The following LUZP1 variants were observed in gnomAD, a reference collection of about 807,000 sequenced individuals.
LUZP1 encodes filamin mechanobinding actin cross-linking protein.
Under a neutral mutation model 71.3 loss-of-function variants are expected in LUZP1, and 25 were observed. That is an observed-to-expected ratio of 0.35 (90% CI 0.26 to 0.49). The LOEUF (loss-of-function observed/expected upper bound fraction) is 0.49, where lower values mean the gene tolerates loss of function less well. Among genes scored for constraint, LUZP1 ranks in the 20% least tolerant of loss-of-function variants. The pLI, the probability that LUZP1 is intolerant of heterozygous loss-of-function variation, is 0.99. For synonymous variants in LUZP1, 481 were observed against 506.4 expected (o/e 0.95, Z 0.67); for missense variants, 1,142 against 1,300.8 (o/e 0.88, Z 1.88).
At chr1:23,084,418 A>ATCTT (rs1365938333) in exon 5 of LUZP1, 2 of 151,564 alleles carry the variant, frequency 1.3e-5, no homozygotes, top group African/African-American at 4.9e-5. Context: ...CTGTAGTCAA[A>ATCTT]TCTTTTGTCT....
At chr1:23,161,292 A>G (rs1320798629) in intron 2 of LUZP1, among the ~76,000 whole-genome samples, 1 of 152,226 alleles carries the variant, frequency 6.6e-6, no homozygotes, top group East Asian at 1.9e-4. Context: ...AACAGAAGCC[A>G]GTAATAGGGA....
At chr1:23,092,313 T>C in exon 4 of LUZP1, 6 of 1,614,212 alleles carry the variant, frequency 3.7e-6, no homozygotes, top group Non-Finnish European at 5.1e-6. Context: ...GCCACTGGAT[T>C]TGATGACTCG....
At chr1:23,112,829 A>G (rs540487430) in intron 2 of LUZP1, among the ~76,000 whole-genome samples, 7 of 152,328 alleles carry the variant, frequency 4.6e-5, no homozygotes, top group African/African-American at 1.7e-4. Context: ...AAAAAGAGCT[A>G]GAAAAGGAGA....
At chr1:23,166,024 A>G (rs1357038291) in intron 2 of LUZP1, among the ~76,000 whole-genome samples, 1 of 149,078 alleles carries the variant, frequency 6.7e-6, no homozygotes, top group Non-Finnish European at 1.5e-5. Flanking sequence ...ACACTACTAC[A>G]GCCTTATATG....
At chr1:23,123,388 A>C (rs1644145626) in intron 2 of LUZP1, among the ~76,000 whole-genome samples, 1 of 151,292 alleles carries the variant, frequency 6.6e-6, no homozygotes, top group African/African-American at 2.4e-5. Context: ...GCTACTCAGG[A>C]GGCTGAGGCA....
chr1:23,176,431 A>G (rs1384164805), intron 1 of LUZP1, among the ~76,000 whole-genome samples: 1 of 152,186 alleles, frequency 6.6e-6, no homozygotes, highest in Non-Finnish European at 1.5e-5. Flanking sequence ...CTCTAAAGCA[A>G]TATTTTTTCC....
At chr1:23,160,244 G>GA (rs1444466530) in intron 2 of LUZP1, among the ~76,000 whole-genome samples, 1 of 152,188 alleles carries the variant, frequency 6.6e-6, no homozygotes, top group Non-Finnish European at 1.5e-5. Flanking sequence ...ACTACTGAGA[G>GA]AGCTTACCCA....
chr1:23,167,377 G>C (rs938240954), intron 2 of LUZP1, among the ~76,000 whole-genome samples: 1 of 152,124 alleles, frequency 6.6e-6, no homozygotes, highest in Non-Finnish European at 1.5e-5. Context: ...ATCCCCAAAA[G>C]GCAGGGAGGT....
Position 23,110,614 on chromosome 1 carries a change from G to A in LUZP1, c.-225-1487C>T, listed in dbSNP as rs7515220. ...CATGCACACATACCTGCACCTGCGC[G>A]CATGCATGAACGCGCACACATACAC... On this transcript the variant is annotated intron_variant, in intron 2 of 4. Transcript: ENST00000302291. Among the ~76,000 whole-genome samples the A allele has an allele frequency of 8.0e-3, 1,133 of 142,124 alleles. 10 individuals are homozygous for A. Among genetic ancestry groups the A allele is most frequent in the African/African-American group, 0.023 (855 of 37,816 alleles). The allele number at this position is 142,124 out of a possible 152,430, so 93.2% of individuals were successfully genotyped here.
rs78096408 is a variant in LUZP1, at chr1:23,169,859, C to T, written c.-484-835G>A. ...ACACAGATGGGCTGAGGGCTGCTTC[C>T]TCTCTGACTACAGCAGCATGGTTGG... On this transcript the variant is annotated intron_variant, in intron 1 of 4. Transcript: ENST00000302291. Among the ~76,000 whole-genome samples, 122 of 152,296 alleles carry T rather than the reference C, an allele frequency of 8.0e-4. 1 individual carries two copies. The East Asian group carries it at 0.021, about 26-fold the overall frequency.
At chr1:23,161,223 T>G (rs951907067) in intron 2 of LUZP1, among the ~76,000 whole-genome samples, 20 of 152,106 alleles carry the variant, frequency 1.3e-4, no homozygotes, top group Admixed American at 1.1e-3. Flanking sequence ...AGGGAAGACA[T>G]AATAATCATG....
intron 2 of LUZP1, among the ~76,000 whole-genome samples, chr1:23,158,272 C>T (rs1020865485): frequency 6.6e-6 from 1 of 152,178 alleles, no homozygotes; most frequent in Non-Finnish European, 1.5e-5. Flanking sequence ...TTTTTATACT[C>T]GGTTCACCTT....
At chr1:23,104,226 T>C (rs1341609837) in intron 3 of LUZP1, among the ~76,000 whole-genome samples, 4 of 151,664 alleles carry the variant, frequency 2.6e-5, no homozygotes, top group Admixed American at 6.6e-5. Flanking sequence ...ATCGTCCAGG[T>C]TGGAGTGAAG....
chr1:23,174,470 G>C lies in LUZP1; in HGVS notation c.-485+3021C>G, dbSNP rs531887015. Among the ~76,000 whole-genome samples the C allele has an allele frequency of 3.3e-5, 5 of 152,258 alleles. No individual in the cohort carries two copies. In the South Asian group the frequency reaches 1.0e-3, roughly 32 times the overall value. On this transcript the variant is annotated intron_variant, in intron 1 of 4. Coordinates refer to ENST00000302291, the Ensembl canonical transcript of LUZP1. The stretch of plus-strand genomic sequence containing the variant: ...AATACTCAGAGATAATGTTTTACCA[G>C]CTATCTGGGCATCCCTTAGCCCAGT...
At chr1:23,127,103 C>T (rs1390706943) in intron 2 of LUZP1, among the ~76,000 whole-genome samples, 1 of 152,186 alleles carries the variant, frequency 6.6e-6, no homozygotes, top group Non-Finnish European at 1.5e-5. Context: ...GTAACTCTCA[C>T]CATACATTTT....
At chr1:23,114,618 T>C (rs1644063002) in intron 2 of LUZP1, among the ~76,000 whole-genome samples, 1 of 152,186 alleles carries the variant, frequency 6.6e-6, no homozygotes, top group South Asian at 2.1e-4. Context: ...AGAAGACATG[T>C]CAATTTCTTT....
exon 4 of LUZP1, chr1:23,092,727 C>G: frequency 1.9e-6 from 3 of 1,614,068 alleles, no homozygotes; most frequent in Non-Finnish European, 2.5e-6. Flanking sequence ...GGTGGTGTCA[C>G]TAAACGTTCG....
At chr1:23,085,618 C>T (rs1295204639) in exon 5 of LUZP1, 1 of 152,232 alleles carries the variant, frequency 6.6e-6, no homozygotes, top group Non-Finnish European at 1.5e-5. Flanking sequence ...CTAAAACTGC[C>T]CCAGGACGAC....
At chr1:23,092,993 A>G (rs748766101) in exon 4 of LUZP1, 9 of 1,614,126 alleles carry the variant, frequency 5.6e-6, no homozygotes, top group Non-Finnish European at 6.8e-6. Context: ...TGAAACTGGG[A>G]GAAGAAACCT....
Sources: gnomAD v4.1 joint callset for allele counts (sites outside exome capture counted in the v4.1 genomes callset) on GRCh38, gnomAD v4.1.1 for gene constraint, MANE v1.5 for transcripts, NCBI Gene and HGNC (gene_info 2026-07-23, HGNC 2026-07-21) for gene names.